Variants in TXNRD2 observed in about 807,000 individuals in gnomAD.
TXNRD2 encodes the protein thioredoxin reductase 2, also known as thioredoxin reductase 2, mitochondrial.
A neutral mutation model predicts 70.8 loss-of-function variants in TXNRD2; 67 were observed. That is an observed-to-expected ratio of 0.95 (90% CI 0.78 to 1.16). The LOEUF (loss-of-function observed/expected upper bound fraction) is 1.16. Among genes scored for constraint, TXNRD2 ranks in the 50% most tolerant of loss-of-function variants. TXNRD2 has a pLI of 0.00. For synonymous variants in TXNRD2, 301 were observed against 295.8 expected (o/e 1.02, Z -0.18); for missense variants, 644 against 719.9 (o/e 0.89, Z 1.21).
rs962061509 is a variant in TXNRD2, at chr22:19,922,796, C to G, written c.173-3197G>C. On this transcript the variant is annotated intron_variant, in intron 2 of 17. Transcript: ENST00000400521. ...CCACCTCCTGGGTTCAAGCGATTCT[C>G]CTGCCTAAGCCTCCTGAATAGCTGG... Among the ~76,000 whole-genome samples, 3 of 152,180 alleles carry G rather than the reference C, an allele frequency of 2.0e-5. No individual in the cohort carries two copies. In the South Asian group the frequency reaches 6.2e-4, roughly 32 times the overall value.
intron 14 of TXNRD2, among the ~76,000 whole-genome samples, chr22:19,878,834 G>A (rs911407316): frequency 6.6e-5 from 10 of 152,222 alleles, no homozygotes; most frequent in Non-Finnish European, 1.5e-4. Flanking sequence ...GCTCCCTCAG[G>A]CACCCTGGTG....
intron 8 of TXNRD2, among the ~76,000 whole-genome samples, chr22:19,900,475 G>A (rs1207382436): frequency 6.6e-6 from 1 of 152,216 alleles, no homozygotes; most frequent in African/African-American, 2.4e-5. Flanking sequence ...TTATGGCCAG[G>A]TGCGGTGGCT....
chr22:19,903,537 C>A (rs1233489437), intron 8 of TXNRD2, among the ~76,000 whole-genome samples: 1 of 152,220 alleles, frequency 6.6e-6, no homozygotes, highest in East Asian at 1.9e-4. Context: ...CTGGCGGGGC[C>A]CAAGTCCCTG....
chr22:19,895,606 A>G lies in TXNRD2; in HGVS notation c.775-25T>C, dbSNP rs762013585. On this transcript the variant is annotated intron_variant, in intron 10 of 17. Transcript: ENST00000400521. ...GCTGCAAAGCACAAGAAGACAGGCC[A>G]TGAAGACCAGGTGGCCGTGGGAGAG... 5.0e-6 allele frequency: 8 copies of G among 1,606,330 alleles called. No individual in the cohort carries two copies. In the Admixed American group the frequency reaches 8.3e-5, roughly 17 times the overall value.
intron 8 of TXNRD2, among the ~76,000 whole-genome samples, chr22:19,903,451 G>A (rs541060076): frequency 3.0e-4 from 45 of 152,354 alleles, no homozygotes; most frequent in Admixed American, 6.5e-4. Flanking sequence ...TAGGGCACCT[G>A]AGCTCCAAAA....
At chr22:19,924,356 A>G (rs1941037877) in intron 2 of TXNRD2, among the ~76,000 whole-genome samples, 1 of 152,116 alleles carries the variant, frequency 6.6e-6, no homozygotes, top group African/African-American at 2.4e-5. Flanking sequence ...CCACAAGCAG[A>G]TTCCACCACC....
chr22:19,898,976 G>A, intron 9 of TXNRD2, 73 bp downstream of exon 9: 5 of 1,581,406 alleles, frequency 3.2e-6, no homozygotes, highest in Non-Finnish European at 3.4e-6. Context: ...CGGAAGGGCG[G>A]GTGGCAGGGA....
intron 1 of TXNRD2, among the ~76,000 whole-genome samples, chr22:19,936,415 G>A (rs1290843602): frequency 6.6e-6 from 1 of 152,062 alleles, no homozygotes; most frequent in African/African-American, 2.4e-5. Context: ...TTTTCACGAA[G>A]AGCCGACACT....
intron 2 of TXNRD2, among the ~76,000 whole-genome samples, chr22:19,930,049 C>T (rs1049565401): frequency 1.4e-4 from 21 of 152,304 alleles, no homozygotes; most frequent in Non-Finnish European, 2.8e-4. Flanking sequence ...CACTAGGCCT[C>T]GTGGCTGCCT....
At chr22:19,891,691 C>T (rs1259696891) in intron 11 of TXNRD2, 3 of 152,244 alleles carry the variant, frequency 2.0e-5, no homozygotes, top group Admixed American at 6.5e-5. Context: ...CTTCACTCAG[C>T]GCTGTAATCG....
At chr22:19,904,736 G>A (rs1939931521) in intron 8 of TXNRD2, among the ~76,000 whole-genome samples, 1 of 152,138 alleles carries the variant, frequency 6.6e-6, no homozygotes, top group Non-Finnish European at 1.5e-5. Context: ...AGCCTCCTTG[G>A]TGGAGGAGCC....
At chr22:19,930,107 T>A (rs1276514487) in intron 2 of TXNRD2, among the ~76,000 whole-genome samples, 1 of 152,172 alleles carries the variant, frequency 6.6e-6, no homozygotes, top group Non-Finnish European at 1.5e-5. Context: ...GTGGCACTGA[T>A]CCTGGGTGCC....
chr22:19,935,558 T>C (rs1941509063), intron 1 of TXNRD2, among the ~76,000 whole-genome samples: 1 of 152,164 alleles, frequency 6.6e-6, no homozygotes, highest in Admixed American at 6.5e-5. Flanking sequence ...ACCTACTCCC[T>C]ATTGGCACAA....
intron 2 of TXNRD2, among the ~76,000 whole-genome samples, chr22:19,922,785 C>G (rs1215421603): frequency 6.6e-6 from 1 of 152,148 alleles, no homozygotes; most frequent in Admixed American, 6.5e-5. Flanking sequence ...CTCCTGGGTT[C>G]AAGCGATTCT....
rs373979810 is a variant in TXNRD2 at position 19,918,998 on chromosome 22, C to T, written c.236G>A (p.Arg79Gln). ...DYVEPSPQGT[R>Q]WGLGGTCVNV... ...GACGCAGGTGCCGCCGAGGCCCCAC[C>T]GGGTGCCTGGGACGTGGGAAGAGCA... The change falls in exon 4 of 18, where the codon CGG becomes CAG. Residue 79 changes from arginine (R) to glutamine (Q), a missense_variant. Transcript: ENST00000400521. 8.9e-5 allele frequency: 143 copies of T among 1,609,502 alleles called. No homozygotes were observed. The highest frequency in any genetic ancestry group is 6.7e-4 in the Middle Eastern group (4 of 5,998).
At chr22:19,940,418 G>C (rs540589103) in intron 1 of TXNRD2, among the ~76,000 whole-genome samples, 29 of 152,178 alleles carry the variant, frequency 1.9e-4, no homozygotes, top group African/African-American at 7.0e-4. Context: ...ATTTTGCATA[G>C]AAGGTTCAGT....
chr22:19,913,428 C>T (rs931854411), intron 7 of TXNRD2, among the ~76,000 whole-genome samples: 2 of 142,028 alleles, frequency 1.4e-5, no homozygotes, highest in South Asian at 2.5e-4. Context: ...CTTTCAAAGC[C>T]CCCCCACAAA....
intron 2 of TXNRD2, among the ~76,000 whole-genome samples, chr22:19,924,456 C>A (rs1258829838): frequency 6.6e-6 from 1 of 152,182 alleles, no homozygotes; most frequent in African/African-American, 2.4e-5. Context: ...TTACTTTCAG[C>A]TGCATGGTCT....
chr22:19,920,597 GAAA>G (rs3081735), intron 2 of TXNRD2, among the ~76,000 whole-genome samples: 1 of 134,852 alleles, frequency 7.4e-6, no homozygotes, highest in Non-Finnish European at 1.6e-5. Context: ...AAGAAAGAAA[GAAA>G]AAAAAAAAAA....
Sources: gnomAD v4.1 joint callset for allele counts (sites outside exome capture counted in the v4.1 genomes callset) on GRCh38, gnomAD v4.1.1 for gene constraint, MANE v1.5 for transcripts, NCBI Gene and HGNC (gene_info 2026-07-23, HGNC 2026-07-21) for gene names.